The following WDR48 variants were observed in gnomAD, a reference collection of about 807,000 sequenced individuals.
WDR48 encodes WD repeat domain 48.
Under a neutral mutation model 94.0 loss-of-function variants are expected in WDR48, and 22 were observed. That is an observed-to-expected ratio of 0.23 (90% confidence interval 0.17 to 0.33). The LOEUF (loss-of-function observed/expected upper bound fraction) is 0.33, where lower values mean the gene tolerates loss of function less well. WDR48 is among the 10% of genes least tolerant of loss of function. The probability of loss-of-function intolerance (pLI) is 1.00; values close to 1 mark genes in which losing one functional copy is unlikely to be tolerated. For synonymous variants in WDR48, 278 were observed against 280.5 expected (o/e 0.99, Z 0.09); for missense variants, 541 against 813.8 (o/e 0.66, Z 4.08).
At chr3:39,056,495 C>T (rs1191807580) in intron 1 of WDR48, among the ~76,000 whole-genome samples, 2 of 152,072 alleles carry the variant, frequency 1.3e-5, no homozygotes, top group African/African-American at 4.8e-5. Flanking sequence ...AAAAAACAAA[C>T]AAGAAATGTC....
At position 39,095,016 on chromosome 3, in the gene WDR48, C is replaced by T. The variant is rs894749410; in HGVS notation, c.*273C>T. On this transcript the variant is annotated 3_prime_UTR_variant, in exon 19 of 19. Transcript: ENST00000302313. The stretch of plus-strand genomic sequence containing the variant: ...TTCAAGATGTACAGAAGACTGACAA[C>T]AGGCCAGTGCAGACTTTGCTTCCTC... 1.1e-5 allele frequency: 5 copies of T among 464,846 alleles called. No individual in the cohort carries two copies. Among genetic ancestry groups the T allele is most frequent in the African/African-American group, 9.7e-5 (5 of 51,308 alleles). The allele number at this position is 464,846 out of a possible 1,614,324, so 28.8% of individuals were successfully genotyped here.
At chr3:39,065,927 T>C (rs747848860) in intron 3 of WDR48, 38 bp downstream of exon 3, 3 of 1,498,864 alleles carry the variant, frequency 2.0e-6, no homozygotes, top group African/African-American at 1.4e-5. Context: ...GCTTCTGATA[T>C]ATTTTTTGTT....
chr3:39,083,653 C>T (rs1304539599), intron 11 of WDR48, among the ~76,000 whole-genome samples: 1 of 152,064 alleles, frequency 6.6e-6, no homozygotes, highest in Non-Finnish European at 1.5e-5. Context: ...AGACAGTGAC[C>T]CCAGGGCTCA....
At chr3:39,065,430 A>G (rs2033544177) in intron 2 of WDR48, among the ~76,000 whole-genome samples, 2 of 151,628 alleles carry the variant, frequency 1.3e-5, no homozygotes, top group Non-Finnish European at 2.9e-5. Context: ...CTTCACCACC[A>G]CTCATTCAAA....
intron 6 of WDR48, among the ~76,000 whole-genome samples, chr3:39,069,300 G>A (rs1051835059): frequency 6.6e-6 from 1 of 152,154 alleles, no homozygotes; most frequent in South Asian, 2.1e-4. Flanking sequence ...AGGGTGGTTT[G>A]AACATTAGAA....
In WDR48 at chr3:39,091,746, A is replaced by G. The variant is rs200479027; in HGVS notation, c.1745+45A>G. On this transcript the variant is annotated intron_variant, in intron 17 of 18. Transcript: ENST00000302313. ...CTTGATCTAATTAACTACTAGAGAG[A>G]ATTCCTTTTCCTTATGATTGCTTTT... is the stretch of plus-strand genomic sequence containing the variant. 5 of 1,452,734 alleles carry G rather than the reference A, an allele frequency of 3.4e-6. No homozygotes were observed. The East Asian group carries it at 1.2e-4, about 35-fold the overall frequency. The allele number at this position is 1,452,734 out of a possible 1,614,324, so 90.0% of individuals were successfully genotyped here.
In WDR48 at chr3:39,093,745, G is replaced by A. The variant is rs2035205702; in HGVS notation, c.1746-129G>A. On this transcript the variant is annotated intron_variant, in intron 17 of 18. Coordinates refer to ENST00000302313, the MANE Select transcript of WDR48 (RefSeq NM_020839.4). The stretch of plus-strand genomic sequence containing the variant: ...TTCCGCAGCTCTAAAAATGGATTAA[G>A]GTAATGACTAAAAACATTTATTGGT... 6.5e-6 allele frequency: 7 copies of A among 1,069,476 alleles called. No homozygotes were observed. In the South Asian group the frequency reaches 8.2e-5, roughly 13 times the overall value. 66.2% of individuals were successfully genotyped at this position (1,069,476 alleles called of 1,614,324 possible).
At chr3:39,086,051 C>T (rs553205627) in intron 14 of WDR48, among the ~76,000 whole-genome samples, 1 of 152,250 alleles carries the variant, frequency 6.6e-6, no homozygotes, top group East Asian at 1.9e-4. Flanking sequence ...TCATGGCCTA[C>T]CTGATTTTGA....
At chr3:39,071,946 A>G (rs2033959461) in intron 7 of WDR48, among the ~76,000 whole-genome samples, 1 of 152,240 alleles carries the variant, frequency 6.6e-6, no homozygotes, top group Admixed American at 6.5e-5. Flanking sequence ...AGAAACTTCT[A>G]CTTACAGATT....
At chr3:39,079,676 A>G in intron 10 of WDR48, 35 bp from the exon 11 acceptor site, 1 of 1,400,964 alleles carries the variant, frequency 7.1e-7, no homozygotes. Context: ...ATGTAGAAAG[A>G]TTGTTTTACC....
rs952697473 is a variant in WDR48 at position 39,095,137 on chromosome 3, C to T, written c.*394C>T. 2 of 200,600 alleles carry T rather than the reference C, an allele frequency of 1.0e-5. No individual in the cohort carries two copies. The highest frequency in any genetic ancestry group is 1.0e-4 in the Admixed American group (2 of 19,058). 12.4% of individuals were successfully genotyped at this position (200,600 alleles called of 1,614,324 possible). A position where few individuals can be genotyped will look rare whatever the true frequency, so the allele number is the denominator to read the frequency against. On this transcript the variant is annotated 3_prime_UTR_variant, in exon 19 of 19. Coordinates refer to ENST00000302313, the MANE Select transcript of WDR48 (RefSeq NM_020839.4). Reference sequence around the variant, plus strand: ...TCTGTTTCAACTTTAAGCCCACACACTCTGTAGCTTTTCTAAAACAGTACA... The same window carrying T: ...TCTGTTTCAACTTTAAGCCCACACATTCTGTAGCTTTTCTAAAACAGTACA...
chr3:39,065,200 T>C (rs980286004), intron 2 of WDR48, among the ~76,000 whole-genome samples: 3 of 152,240 alleles, frequency 2.0e-5, no homozygotes, highest in Non-Finnish European at 4.4e-5. Flanking sequence ...GAATCTCGAA[T>C]CACCTAATTG....
intron 1 of WDR48, among the ~76,000 whole-genome samples, chr3:39,053,324 C>T (rs1487507008): frequency 1.3e-5 from 2 of 152,166 alleles, no homozygotes; most frequent in African/African-American, 2.4e-5. Flanking sequence ...GTAAGGTAAT[C>T]CCAGCAGAAG....
At chr3:39,077,718 TA>T (rs1343698236) in intron 9 of WDR48, among the ~76,000 whole-genome samples, 2 of 152,238 alleles carry the variant, frequency 1.3e-5, no homozygotes, top group African/African-American at 4.8e-5. Flanking sequence ...AATCTTAATT[TA>T]AAAAGACTTA....
Position 39,094,808 on chromosome 3 carries a change from A to G in WDR48, c.*65A>G. On this transcript the variant is annotated 3_prime_UTR_variant, in exon 19 of 19. Coordinates refer to ENST00000302313, the MANE Select transcript of WDR48 (RefSeq NM_020839.4). Reference sequence around the variant, plus strand: ...CCTCTATGGCCCCAAGAGTAGTCCTAGGAAGCCCACTGATCCCCAACGGGA... The same window carrying G: ...CCTCTATGGCCCCAAGAGTAGTCCTGGGAAGCCCACTGATCCCCAACGGGA... 2 of 1,585,472 alleles carry G rather than the reference A, an allele frequency of 1.3e-6. No homozygotes were observed. The highest frequency in any genetic ancestry group is 2.2e-5 in the East Asian group (1 of 44,620).
intron 17 of WDR48, 29 bp downstream of exon 17, chr3:39,091,730 A>AT (rs748036297): frequency 6.5e-7 from 1 of 1,532,406 alleles, no homozygotes; most frequent in Non-Finnish European, 8.9e-7. Context: ...TCTTGATCTA[A>AT]TTAACTACTA....
intron 1 of WDR48, among the ~76,000 whole-genome samples, chr3:39,052,936 G>C (rs764703209): frequency 2.6e-5 from 4 of 152,108 alleles, no homozygotes; most frequent in Non-Finnish European, 4.4e-5. Flanking sequence ...ACGAGTTGAT[G>C]GGTACAGCAA....
intron 8 of WDR48, among the ~76,000 whole-genome samples, chr3:39,075,285 G>A (rs1473447456): frequency 6.7e-6 from 1 of 149,780 alleles, no homozygotes; most frequent in East Asian, 2.0e-4. Flanking sequence ...CTCTCCCACT[G>A]ATGAATTGTA....
chr3:39,091,534 T>C, intron 16 of WDR48, 91 bp from the exon 17 acceptor site: 1 of 940,742 alleles, frequency 1.1e-6, no homozygotes, highest in Non-Finnish European at 1.5e-6. Context: ...GTAAGATAAT[T>C]ATTACTTGCA....
Sources: allele counts gnomAD v4.1 joint callset (sites outside exome capture counted in the v4.1 genomes callset), GRCh38; gene constraint gnomAD v4.1.1; transcripts MANE v1.5; gene names NCBI Gene and HGNC (gene_info 2026-07-23, HGNC 2026-07-21).